GDA: variants seen among roughly 807,000 people sequenced by gnomAD.
GDA encodes cytoplasmic PSD-95 interactor.
A neutral mutation model predicts 59.6 loss-of-function variants in GDA; 18 were observed. The ratio of observed to expected loss-of-function variants is 0.30; its 90% CI spans 0.21 to 0.45. GDA has a LOEUF of 0.45. Among genes scored for constraint, GDA ranks in the 20% least tolerant of loss-of-function variants. GDA has a pLI of 1.00. For synonymous variants in GDA, 201 were observed against 201.1 expected (o/e 1.00, Z 0.00); for missense variants, 427 against 552.3 (o/e 0.77, Z 2.27).
At chr9:72,160,152 GAA>G (rs150486700) in intron 1 of GDA, among the ~76,000 whole-genome samples, 2 of 151,594 alleles carry the variant, frequency 1.3e-5, no homozygotes, top group Non-Finnish European at 2.9e-5. Context: ...AAGAAAATAT[GAA>G]AAAAAATTAG....
chr9:72,154,113 C>A (rs1827599609), intron 1 of GDA, among the ~76,000 whole-genome samples: 1 of 152,106 alleles, frequency 6.6e-6, no homozygotes, highest in Non-Finnish European at 1.5e-5. Flanking sequence ...ATGCCTTGGG[C>A]CTTTTAATGC....
At chr9:72,138,614 G>A (rs1826330657) in intron 1 of GDA, among the ~76,000 whole-genome samples, 1 of 152,204 alleles carries the variant, frequency 6.6e-6, no homozygotes, top group Admixed American at 6.5e-5. Context: ...TCCTCACAGA[G>A]CCCCATGATG....
chr9:72,209,835 G>A (rs559230020), intron 3 of GDA, among the ~76,000 whole-genome samples: 15 of 152,206 alleles, frequency 9.9e-5, no homozygotes, highest in East Asian at 1.9e-4. Flanking sequence ...GAAAATAATC[G>A]TTTAGTCCCC....
intron 5 of GDA, among the ~76,000 whole-genome samples, chr9:72,217,704 A>G (rs1335196746): frequency 6.6e-6 from 1 of 152,182 alleles, no homozygotes; most frequent in Non-Finnish European, 1.5e-5. Flanking sequence ...TTTGCTTTTA[A>G]GTACATATGG....
chr9:72,122,662 C>G lies in GDA; in HGVS notation c.-100+7829C>G, dbSNP rs1271213359. Among the ~76,000 whole-genome samples, 3 of 151,654 alleles carry G rather than the reference C, an allele frequency of 2.0e-5. No individual in the cohort carries two copies. The South Asian group carries it at 6.3e-4, about 32-fold the overall frequency. ...ACACACACACACACACACACACACA[C>G]ACAGACACCTGAGAGAAACAAAAGA... On this transcript the variant is annotated intron_variant, in intron 1 of 13. Transcript: ENST00000545168.
chr9:72,128,351 G>A (rs56223500), intron 1 of GDA, among the ~76,000 whole-genome samples: 70,292 of 151,478 alleles, frequency 0.46, 18,078 homozygotes, highest in Non-Finnish European at 0.58. Context: ...GGTGGGGTGG[G>A]AGTGTGTTGG....
chr9:72,259,439 G>A (rs1238056386), downstream of GDA, among the ~76,000 whole-genome samples: 8 of 152,328 alleles, frequency 5.3e-5, no homozygotes, highest in East Asian at 3.9e-4. Flanking sequence ...GGTTGGAAGC[G>A]GACTGCTCCA....
intron 1 of GDA, among the ~76,000 whole-genome samples, chr9:72,128,602 A>T (rs1054865153): frequency 1.3e-5 from 2 of 152,166 alleles, no homozygotes; most frequent in Admixed American, 6.6e-5. Flanking sequence ...TAAACATATA[A>T]TGTCTGTGTA....
At chr9:72,155,961 A>G (rs1827835956) in intron 1 of GDA, among the ~76,000 whole-genome samples, 1 of 152,246 alleles carries the variant, frequency 6.6e-6, no homozygotes, top group South Asian at 2.1e-4. Flanking sequence ...TAGTAAGTGT[A>G]AAATATATAG....
At chr9:72,145,584 T>A (rs1007825226), upstream of GDA, among the ~76,000 whole-genome samples, 1 of 152,202 alleles carries the variant, frequency 6.6e-6, no homozygotes, top group African/African-American at 2.4e-5. Flanking sequence ...ATTCATGAGA[T>A]GAGCAAAATG....
At chr9:72,151,193 G>A (rs1827156660) in intron 1 of GDA, among the ~76,000 whole-genome samples, 1 of 152,182 alleles carries the variant, frequency 6.6e-6, no homozygotes, top group South Asian at 2.1e-4. Context: ...ACAATTAGTA[G>A]TTGAGTCAGG....
At chr9:72,258,157 A>T (rs187684069), downstream of GDA, among the ~76,000 whole-genome samples, 66 of 151,802 alleles carry the variant, frequency 4.3e-4, no homozygotes, top group East Asian at 1.8e-3. Flanking sequence ...ACAAAAAAAT[A>T]AAAAATGTAG....
chr9:72,218,293 CAT>C (rs1365963933), intron 5 of GDA, among the ~76,000 whole-genome samples: 1 of 152,168 alleles, frequency 6.6e-6, no homozygotes, highest in African/African-American at 2.4e-5. Flanking sequence ...CAAGACCAAA[CAT>C]ATTCTGATGC....
rs527478686 is a variant in GDA at position 72,191,134 on chromosome 9, G to T, written c.124-4366G>T. ...AATGATCTGTCAATTGATAAGCAAT[G>T]AGGACTTCTATCATTTTATTGACAG... is the stretch of plus-strand genomic sequence containing the variant. On this transcript the variant is annotated intron_variant, in intron 1 of 13. Coordinates refer to ENST00000358399, the MANE Select transcript of GDA (RefSeq NM_004293.5). Among the ~76,000 whole-genome samples, 3 of 152,272 alleles carry T rather than the reference G, an allele frequency of 2.0e-5. No individual in the cohort carries two copies. In the East Asian group the frequency reaches 5.8e-4, roughly 29 times the overall value.
intron 1 of GDA, among the ~76,000 whole-genome samples, chr9:72,169,543 C>T (rs1829715959): frequency 6.6e-6 from 1 of 152,158 alleles, no homozygotes; most frequent in Admixed American, 6.6e-5. Flanking sequence ...TGAATGCATG[C>T]TTTCTCCATG....
chr9:72,218,951 T>C (rs1836496417), intron 5 of GDA, among the ~76,000 whole-genome samples: 1 of 152,220 alleles, frequency 6.6e-6, no homozygotes, highest in Non-Finnish European at 1.5e-5. Flanking sequence ...TACGTTTCCC[T>C]GTGATTTTGC....
chr9:72,149,221 T>C, upstream of GDA: 1 of 309,482 alleles, frequency 3.2e-6, no homozygotes, highest in Non-Finnish European at 6.0e-6. Context: ...TCATAGAAGG[T>C]GGAGGAAGCT....
At chr9:72,202,520 GA>G in intron 2 of GDA, 50 bp from the exon 3 acceptor site, 1 of 1,196,490 alleles carries the variant, frequency 8.4e-7, no homozygotes, top group Non-Finnish European at 1.2e-6. Flanking sequence ...AAAAATATGG[GA>G]AATGACTGAA....
intron 1 of GDA, among the ~76,000 whole-genome samples, chr9:72,170,060 A>G (rs1261140214): frequency 1.3e-5 from 2 of 152,234 alleles, no homozygotes; most frequent in Non-Finnish European, 2.9e-5. Context: ...AACAAACACA[A>G]TGGGGCATAA....
Sources: gnomAD v4.1 joint callset for allele counts (sites outside exome capture counted in the v4.1 genomes callset) on GRCh38, gnomAD v4.1.1 for gene constraint, MANE v1.5 for transcripts, NCBI Gene and HGNC (gene_info 2026-07-23, HGNC 2026-07-21) for gene names.